DAPK1: variants seen among roughly 807,000 people sequenced by gnomAD.
DAPK1 encodes the protein death associated protein kinase 1, also known as death-associated protein kinase 1.
Under a neutral mutation model 144.9 loss-of-function variants are expected in DAPK1, and 56 were observed. The observed-to-expected ratio is 0.39, with a 90% CI of 0.31 to 0.48. The LOEUF (loss-of-function observed/expected upper bound fraction) is 0.48. Ranked by LOEUF, DAPK1 falls within the 20% of genes least tolerant of loss-of-function variation. DAPK1 has a pLI of 0.95. For missense variants in DAPK1, 1,454 were observed against 1,875.4 expected (o/e 0.78, Z 4.15); for synonymous variants, 690 against 749.0 (o/e 0.92, Z 1.29).
intron 2 of DAPK1, among the ~76,000 whole-genome samples, chr9:87,518,445 G>T (rs1334818772): frequency 6.6e-6 from 1 of 151,926 alleles, no homozygotes; most frequent in African/African-American, 2.4e-5. Flanking sequence ...CCCTTTAAAA[G>T]GGAAAACCTA....
intron 21 of DAPK1, among the ~76,000 whole-genome samples, chr9:87,688,971 G>A (rs1287917687): frequency 6.6e-6 from 1 of 151,962 alleles, no homozygotes. Context: ...GTTTTTGTTG[G>A]CAATTGTTTT....
chr9:87,576,638 A>G (rs1381609202), intron 2 of DAPK1, among the ~76,000 whole-genome samples: 7 of 151,156 alleles, frequency 4.6e-5, no homozygotes, highest in African/African-American at 1.7e-4. Context: ...GCTCACTGCA[A>G]CCTCCGCTTC....
At chr9:87,564,274 T>C (rs1259950009) in intron 2 of DAPK1, among the ~76,000 whole-genome samples, 2 of 152,160 alleles carry the variant, frequency 1.3e-5, no homozygotes, top group Non-Finnish European at 2.9e-5. Context: ...TGACAAGGCA[T>C]AGAGAATAAC....
intron 2 of DAPK1, among the ~76,000 whole-genome samples, chr9:87,548,318 TC>T (rs1826339062): frequency 6.6e-6 from 1 of 152,142 alleles, no homozygotes; most frequent in African/African-American, 2.4e-5. Flanking sequence ...CCCCTGGTTT[TC>T]CCCCTAAATA....
chr9:87,696,767 A>C (rs1470333765), intron 21 of DAPK1, among the ~76,000 whole-genome samples: 1 of 152,104 alleles, frequency 6.6e-6, no homozygotes, highest in African/African-American at 2.4e-5. Flanking sequence ...AGGGATTTGC[A>C]CTTAGGACCC....
At chr9:87,508,162 C>T (rs2118070685) in intron 2 of DAPK1, among the ~76,000 whole-genome samples, 1 of 151,966 alleles carries the variant, frequency 6.6e-6, no homozygotes, top group South Asian at 2.1e-4. Flanking sequence ...CAGGCACCCG[C>T]CACGACGCCC....
In DAPK1 at chr9:87,700,133, C is replaced by T; in HGVS notation, c.2767C>T (p.His923Tyr). The change falls in exon 24 of 26, where the codon CAC becomes TAC. Residue 923 changes from histidine (H) to tyrosine (Y), a missense_variant. His to Tyr is a moderately conservative substitution (Grantham distance 83, BLOSUM62 2). This residue lies in a region of DAPK1 where 1,025 missense variants were observed against 1,237.9 expected (regional missense o/e 0.83). Coordinates refer to ENST00000408954, the MANE Select transcript of DAPK1 (RefSeq NM_004938.4). ...EIRNRFGNDL[H>Y]ISNKLFVLDA... ...TTCCCTTAGGTTTGGAAATGATCTTCACATTTCAAATAAGCTGTTTGTTCT... is the reference window on the plus strand; with the variant it reads ...TTCCCTTAGGTTTGGAAATGATCTTTACATTTCAAATAAGCTGTTTGTTCT... 1 of 1,610,076 alleles carries T rather than the reference C, an allele frequency of 6.2e-7. No individual in the cohort carries two copies. Among genetic ancestry groups the T allele is most frequent in the Non-Finnish European group, 8.5e-7 (1 of 1,176,294 alleles).
Position 87,578,337 on chromosome 9 carries a change from A to T in DAPK1, c.63-26617A>T, listed in dbSNP as rs537757614. 9.2e-5 allele frequency among the ~76,000 whole-genome samples: 14 copies of T among 152,326 alleles called. No individual in the cohort carries two copies. In the South Asian group the frequency reaches 2.9e-3, roughly 32 times the overall value. ...TAATGCATGATATATTTTTAATTTC[A>T]TCTTCAAAGCTGGCATCAGATTGTA... On this transcript the variant is annotated intron_variant, in intron 2 of 25. Transcript: ENST00000408954.
At chr9:87,691,175 C>G (rs892125330) in intron 21 of DAPK1, among the ~76,000 whole-genome samples, 3 of 152,062 alleles carry the variant, frequency 2.0e-5, no homozygotes, top group African/African-American at 7.2e-5. Flanking sequence ...AATCTCATTA[C>G]TCATTATTGG....
At chr9:87,633,253 A>G (rs1426073359) in intron 3 of DAPK1, 1 of 984,674 alleles carries the variant, frequency 1.0e-6, no homozygotes, top group Non-Finnish European at 1.2e-6. Flanking sequence ...GTCCATATGT[A>G]GAAATGAAGG....
rs147528941 is a variant in DAPK1, at chr9:87,660,497, A to G, written c.1923+2370A>G. On this transcript the variant is annotated intron_variant, in intron 18 of 25. Coordinates refer to ENST00000408954, the MANE Select transcript of DAPK1 (RefSeq NM_004938.4). ...ATTTATTGATTGATTTATTATTTGT[A>G]TATATTCATAGGGTACAAGTGCAAT... Among the ~76,000 whole-genome samples the G allele has an allele frequency of 2.7e-3, 407 of 152,318 alleles. 5 individuals are homozygous for G. The highest frequency in any genetic ancestry group is 9.3e-3 in the African/African-American group (388 of 41,574).
chr9:87,671,576 C>T (rs138934100), intron 19 of DAPK1, among the ~76,000 whole-genome samples: 7 of 151,920 alleles, frequency 4.6e-5, no homozygotes, highest in African/African-American at 1.7e-4. Flanking sequence ...TCAGGGCTCA[C>T]TGCAGCGTCA....
Position 87,706,692 on chromosome 9 carries a change from G to T in DAPK1, c.3621G>T (p.Lys1207Asn). The T allele has an allele frequency of 1.2e-6, 2 of 1,612,442 alleles. No individual in the cohort carries two copies. Among genetic ancestry groups the T allele is most frequent in the Admixed American group, 1.7e-5 (1 of 60,008 alleles). The change falls in exon 26 of 26, where the codon AAG (lysine) becomes AAT (asparagine). Residue 1207 changes from lysine to asparagine, a missense_variant. Around this residue, in one of 2 missense-constraint regions of DAPK1, gnomAD observed 1,025 missense variants for 1,237.9 expected, o/e 0.83. Coordinates refer to ENST00000408954, the MANE Select transcript of DAPK1 (RefSeq NM_004938.4). The surrounding 1 kb of genome is among the most constrained non-coding windows in gnomAD (Gnocchi z 9.0). ...QVRGLETEKIKCCLLLDSVCS... is the reference protein window; with the variant it reads ...QVRGLETEKINCCLLLDSVCS... ...GCGGCCTGGAGACGGAGAAGATCAA[G>T]TGCTGCCTGCTGCTGGACTCGGTGT...
chr9:87,669,771 G>C (rs369490357), intron 19 of DAPK1, among the ~76,000 whole-genome samples: 1 of 150,846 alleles, frequency 6.6e-6, no homozygotes. Flanking sequence ...GGCAGGGGGG[G>C]GCCACAGATT....
At chr9:87,524,408 A>G (rs551942431) in intron 2 of DAPK1, among the ~76,000 whole-genome samples, 2 of 152,284 alleles carry the variant, frequency 1.3e-5, no homozygotes, top group South Asian at 2.1e-4. Flanking sequence ...GGACATAGAG[A>G]TCAGTTCTGT....
chr9:87,632,920 A>ATATATG, intron 3 of DAPK1: 1 of 931,108 alleles, frequency 1.1e-6, no homozygotes, highest in Non-Finnish European at 1.3e-6. Flanking sequence ...ATATATATAT[A>ATATATG]TAAATGAAGG....
Position 87,605,185 on chromosome 9 carries a change from G to A in DAPK1, c.284+10G>A, listed in dbSNP as rs377408511. On this transcript the variant is annotated intron_variant, in intron 3 of 25. Coordinates refer to ENST00000408954, the MANE Select transcript of DAPK1 (RefSeq NM_004938.4). Reference sequence around the variant, plus strand: ...TCCTGATCTTGGAACTGTGAGTGCCGCCTGGGCCAGGCTGGGGAGAGGGTG... The same window carrying A: ...TCCTGATCTTGGAACTGTGAGTGCCACCTGGGCCAGGCTGGGGAGAGGGTG... 62 of 1,606,302 alleles carry A rather than the reference G, an allele frequency of 3.9e-5. No individual in the cohort carries two copies. In the African/African-American group the frequency reaches 4.1e-4, roughly 11 times the overall value.
At chr9:87,531,862 G>A (rs7024473) in intron 2 of DAPK1, among the ~76,000 whole-genome samples, 68,199 of 152,080 alleles carry the variant, frequency 0.45, 15,570 homozygotes, top group South Asian at 0.58. Flanking sequence ...GAAATCCCCA[G>A]GGGCCTCCTT....
At chr9:87,598,708 C>T (rs1260154447) in intron 2 of DAPK1, among the ~76,000 whole-genome samples, 1 of 152,120 alleles carries the variant, frequency 6.6e-6, no homozygotes, top group Admixed American at 6.5e-5. Context: ...GTGAACAGAG[C>T]CTCCCACAAA....
Sources: allele counts gnomAD v4.1 joint callset (sites outside exome capture counted in the v4.1 genomes callset), GRCh38; gene constraint gnomAD v4.1.1; regional missense constraint gnomAD v4.1.1; non-coding constraint Gnocchi (gnomAD v3.1); transcripts MANE v1.5; gene names NCBI Gene and HGNC (gene_info 2026-07-23, HGNC 2026-07-21).